UNC5C: variants seen among roughly 807,000 people sequenced by gnomAD.
UNC5C encodes the protein netrin receptor UNC5C.
UNC5C carries 47 observed loss-of-function variants against 99.8 expected under a neutral mutation model. That is an observed-to-expected ratio of 0.47 (90% confidence interval 0.37 to 0.60). The LOEUF is 0.60. Among genes scored for constraint, UNC5C ranks in the 20% least tolerant of loss-of-function variants. UNC5C has a pLI of 0.00. For synonymous variants in UNC5C, 487 were observed against 452.2 expected (o/e 1.08, Z -0.98); for missense variants, 1,062 against 1,165.9 (o/e 0.91, Z 1.30).
chr4:95,486,846 C>A (rs543660465), intron 1 of UNC5C, among the ~76,000 whole-genome samples: 2 of 151,580 alleles, frequency 1.3e-5, no homozygotes, highest in Admixed American at 6.6e-5. Flanking sequence ...ATGTGTCCCA[C>A]CAAAAAACCA....
intron 12 of UNC5C, among the ~76,000 whole-genome samples, chr4:95,189,695 CT>C (rs1044214082): frequency 2.0e-5 from 3 of 152,142 alleles, no homozygotes; most frequent in Non-Finnish European, 2.9e-5. Context: ...TGAACAGACA[CT>C]TCTCAAAAGA....
At chr4:95,488,789 T>C (rs982441213) in intron 1 of UNC5C, among the ~76,000 whole-genome samples, 1 of 151,750 alleles carries the variant, frequency 6.6e-6, no homozygotes. Flanking sequence ...CAAAAATTGT[T>C]AGCATAGAAT....
At chr4:95,481,774 A>C (rs1247548448) in intron 1 of UNC5C, among the ~76,000 whole-genome samples, 3 of 152,188 alleles carry the variant, frequency 2.0e-5, no homozygotes, top group African/African-American at 4.8e-5. Flanking sequence ...TTCCCTATTT[A>C]ATAAATAGTG....
chr4:95,261,397 T>G (rs1740221138), intron 4 of UNC5C, among the ~76,000 whole-genome samples: 1 of 152,150 alleles, frequency 6.6e-6, no homozygotes, highest in Non-Finnish European at 1.5e-5. Context: ...CCCTCCAAAA[T>G]TGCTCCCCCA....
chr4:95,436,882 A>G (rs1290618616), intron 1 of UNC5C, among the ~76,000 whole-genome samples: 3 of 151,606 alleles, frequency 2.0e-5, no homozygotes, highest in African/African-American at 4.8e-5. Flanking sequence ...CAGATGTACT[A>G]TGGGATTTTC....
chr4:95,322,589 T>C (rs916004643), intron 2 of UNC5C, among the ~76,000 whole-genome samples: 12 of 152,102 alleles, frequency 7.9e-5, no homozygotes, highest in African/African-American at 2.9e-4. Flanking sequence ...TAAATATAAC[T>C]TTAATAAATA....
intron 1 of UNC5C, among the ~76,000 whole-genome samples, chr4:95,464,398 G>A (rs539433488): frequency 5.9e-4 from 90 of 152,136 alleles, no homozygotes; most frequent in Non-Finnish European, 7.9e-4. Flanking sequence ...TGAGAACAGC[G>A]TCATTAAGAA....
chr4:95,480,759 A>G (rs1721124444), intron 1 of UNC5C, among the ~76,000 whole-genome samples: 1 of 152,104 alleles, frequency 6.6e-6, no homozygotes, highest in Non-Finnish European at 1.5e-5. Context: ...GAAAAAAACC[A>G]CATGATTATC....
intron 4 of UNC5C, among the ~76,000 whole-genome samples, chr4:95,277,249 C>G (rs901715374): frequency 8.5e-5 from 13 of 152,116 alleles, no homozygotes; most frequent in Admixed American, 7.2e-4. Context: ...CCAATTGCAA[C>G]AACTGAAATA....
rs767849107 is a variant in UNC5C at position 95,377,893 on chromosome 4, G to A, written c.125-42262C>T. ...ATAAGCAGCTAGTTTCCATATGTTC[G>A]CGGTATTCTGAAGGATTCCTTCTCG... On this transcript the variant is annotated intron_variant, in intron 1 of 15. Coordinates refer to ENST00000453304, the MANE Select transcript of UNC5C (RefSeq NM_003728.4). Among the ~76,000 whole-genome samples, 11 of 152,090 alleles carry A rather than the reference G, an allele frequency of 7.2e-5. No individual in the cohort carries two copies. In the East Asian group the frequency reaches 7.7e-4, roughly 11 times the overall value.
chr4:95,331,209 T>G (rs1221822965), intron 2 of UNC5C, among the ~76,000 whole-genome samples: 6 of 152,098 alleles, frequency 3.9e-5, no homozygotes, highest in African/African-American at 1.4e-4. Flanking sequence ...TTTCCTTATC[T>G]GATTATCCAC....
chr4:95,308,136 A>T (rs1056213246), intron 2 of UNC5C, among the ~76,000 whole-genome samples: 1 of 152,192 alleles, frequency 6.6e-6, no homozygotes, highest in African/African-American at 2.4e-5. Context: ...GAGGAAAAAA[A>T]TTCTAAATCA....
intron 1 of UNC5C, among the ~76,000 whole-genome samples, chr4:95,418,095 T>G (rs1277562553): frequency 6.6e-6 from 1 of 152,152 alleles, no homozygotes; most frequent in African/African-American, 2.4e-5. Context: ...AAAAAGTCAT[T>G]GGGGAACTGT....
chr4:95,386,324 C>T (rs34959330), intron 1 of UNC5C, among the ~76,000 whole-genome samples: 16,270 of 152,108 alleles, frequency 0.11, 931 homozygotes, highest in Admixed American at 0.15. Flanking sequence ...CCCACTAACT[C>T]GTCATCTAGC....
rs551208893 is a variant in UNC5C at position 95,183,463 on chromosome 4, G to C, written c.2287-402C>G. On this transcript the variant is annotated intron_variant, in intron 13 of 15. Transcript: ENST00000453304. ...ATTGCTCATTAATAGAATCCCTGTCGTGACATTCTGGAGAAAAGCAAAGAA... is the reference window on the plus strand; with the variant it reads ...ATTGCTCATTAATAGAATCCCTGTCCTGACATTCTGGAGAAAAGCAAAGAA... Among the ~76,000 whole-genome samples the C allele has an allele frequency of 3.6e-4, 54 of 152,040 alleles. No homozygotes were observed. The South Asian group carries it at 0.01, about 29-fold the overall frequency.
At chr4:95,340,796 G>T (rs1399181543) in intron 1 of UNC5C, among the ~76,000 whole-genome samples, 1 of 152,054 alleles carries the variant, frequency 6.6e-6, no homozygotes, top group African/African-American at 2.4e-5. Context: ...AAGCCTTCAT[G>T]AACTCTGACT....
chr4:95,523,257 T>C (rs1302926513), intron 1 of UNC5C, among the ~76,000 whole-genome samples: 1 of 151,938 alleles, frequency 6.6e-6, no homozygotes, highest in Non-Finnish European at 1.5e-5. Context: ...CTTGCTTCAG[T>C]CAAAGGAGAT....
intron 4 of UNC5C, among the ~76,000 whole-genome samples, chr4:95,265,306 G>A (rs766858195): frequency 6.6e-6 from 1 of 151,958 alleles, no homozygotes. Context: ...AACATAATAA[G>A]TGCTGAATAT....
At chr4:95,452,097 T>C (rs1747294072) in intron 1 of UNC5C, among the ~76,000 whole-genome samples, 2 of 152,192 alleles carry the variant, frequency 1.3e-5, no homozygotes, top group African/African-American at 4.8e-5. Flanking sequence ...GGTACATTAT[T>C]TTAAATTTGC....
Sources: gnomAD v4.1 joint callset for allele counts (sites outside exome capture counted in the v4.1 genomes callset) on GRCh38, gnomAD v4.1.1 for gene constraint, MANE v1.5 for transcripts, NCBI Gene and HGNC (gene_info 2026-07-23, HGNC 2026-07-21) for gene names.